Variants in TENM2 observed in about 807,000 individuals in gnomAD.
TENM2 encodes the protein teneurin transmembrane protein 2, also known as teneurin-2.
A neutral mutation model predicts 245.2 loss-of-function variants in TENM2; 52 were observed. That is an observed-to-expected ratio of 0.21 (90% CI 0.17 to 0.27). TENM2 has a LOEUF of 0.27. Among genes scored for constraint, TENM2 ranks in the 10% least tolerant of loss-of-function variants. The pLI is 1.00. For synonymous variants in TENM2, 1,363 were observed against 1,438.9 expected, an observed-to-expected ratio of 0.95 and a Z score of 1.19; for missense variants, 3,046 against 3,666.8, an observed-to-expected ratio of 0.83 and a Z score of 4.37.
At chr5:167,569,931 G>C (rs1549213) in intron 2 of TENM2, among the ~76,000 whole-genome samples, 90,507 of 151,934 alleles carry the variant, frequency 0.6, 27,792 homozygotes, top group Admixed American at 0.7. Flanking sequence ...TGATACATCC[G>C]AGAGCACTGT....
At chr5:168,259,385 C>G (rs1041813248) in intron 27 of TENM2, among the ~76,000 whole-genome samples, 1 of 151,874 alleles carries the variant, frequency 6.6e-6, no homozygotes, top group South Asian at 2.1e-4. Flanking sequence ...GTCGGGAGTT[C>G]GAAACCAGCC....
chr5:167,804,106 T>C (rs1040403638), intron 2 of TENM2, among the ~76,000 whole-genome samples: 1 of 152,102 alleles, frequency 6.6e-6, no homozygotes, highest in Admixed American at 6.6e-5. Context: ...ATTTTAAAAA[T>C]ATGAAATTCG....
intron 19 of TENM2, among the ~76,000 whole-genome samples, chr5:168,206,582 G>C (rs952094443): frequency 6.6e-6 from 1 of 152,210 alleles, no homozygotes; most frequent in Admixed American, 6.5e-5. Flanking sequence ...GAGCAAGAAG[G>C]ACACACGTGG....
intron 1 of TENM2, 75 bp downstream of exon 3, chr5:167,285,138 T>C (rs2127709555): frequency 8.4e-7 from 1 of 1,185,860 alleles, no homozygotes; most frequent in East Asian, 2.6e-5. Context: ...TGGCTGCTTT[T>C]GGAGATCCAG....
chr5:167,803,838 A>G (rs1216653875), intron 2 of TENM2, among the ~76,000 whole-genome samples: 1 of 152,120 alleles, frequency 6.6e-6, no homozygotes, highest in African/African-American at 2.4e-5. Flanking sequence ...TAGTTGTGCA[A>G]TAATCCCCTA....
chr5:167,487,754 T>G (rs1768166530), intron 2 of TENM2, among the ~76,000 whole-genome samples: 1 of 152,212 alleles, frequency 6.6e-6, no homozygotes, highest in African/African-American at 2.4e-5. Flanking sequence ...TCAGGATCAT[T>G]TCCTAGTATT....
intron 2 of TENM2, among the ~76,000 whole-genome samples, chr5:167,794,707 G>T (rs1483477988): frequency 6.6e-6 from 1 of 152,190 alleles, no homozygotes; most frequent in Admixed American, 6.5e-5. Flanking sequence ...CTGTGGAAAA[G>T]AAAAAGCTGC....
At chr5:167,392,657 A>G (rs1431451601) in intron 2 of TENM2, among the ~76,000 whole-genome samples, 1 of 152,168 alleles carries the variant, frequency 6.6e-6, no homozygotes, top group African/African-American at 2.4e-5. Context: ...ATGTGAGGCC[A>G]TATTTTATAA....
chr5:167,991,909 A>G (rs1354108186), intron 4 of TENM2, among the ~76,000 whole-genome samples: 1 of 152,194 alleles, frequency 6.6e-6, no homozygotes, highest in Non-Finnish European at 1.5e-5. Context: ...AAAGGCTAAT[A>G]TCTCCAATCT....
chr5:167,150,046 T>C, the TENM2 span, among the ~76,000 whole-genome samples: 11 of 152,084 alleles, frequency 7.2e-5, no homozygotes, highest in Non-Finnish European at 1.5e-4. Flanking sequence ...TAATGACTAT[T>C]ATAAAGTAAA....
the TENM2 span, among the ~76,000 whole-genome samples, chr5:167,226,975 A>G: frequency 6.6e-6 from 1 of 151,820 alleles, no homozygotes; most frequent in Non-Finnish European, 1.5e-5. Flanking sequence ...TATAATGTAA[A>G]TATATTACTG....
intron 2 of TENM2, among the ~76,000 whole-genome samples, chr5:167,580,603 G>T (rs1035598470): frequency 6.6e-6 from 1 of 152,240 alleles, no homozygotes; most frequent in Non-Finnish European, 1.5e-5. Context: ...TGCCAGAAAC[G>T]CTGTTACTGC....
chr5:167,467,237 T>C (rs1766724056), intron 2 of TENM2, among the ~76,000 whole-genome samples: 1 of 152,094 alleles, frequency 6.6e-6, no homozygotes, highest in Non-Finnish European at 1.5e-5. Context: ...CTGATGGTTT[T>C]ATAAGTGTTT....
At chr5:167,969,117 T>C (rs1177540275) in intron 4 of TENM2, among the ~76,000 whole-genome samples, 1 of 152,214 alleles carries the variant, frequency 6.6e-6, no homozygotes, top group Non-Finnish European at 1.5e-5. Context: ...CATCATGTTA[T>C]CTGAATTAAA....
At chr5:167,960,534 A>AC (rs536716603) in intron 4 of TENM2, among the ~76,000 whole-genome samples, 4,596 of 151,174 alleles carry the variant, frequency 0.03, 227 homozygotes, top group African/African-American at 0.11. Context: ...GTAATAGTGG[A>AC]CCCCCCCTCC....
At chr5:167,989,769 G>A (rs1783531655) in intron 4 of TENM2, among the ~76,000 whole-genome samples, 2 of 152,280 alleles carry the variant, frequency 1.3e-5, no homozygotes, top group South Asian at 2.1e-4. Flanking sequence ...GGGAAAAGGA[G>A]GAAGTTCCTT....
At chr5:167,583,473 TACACACACACAC>T (rs10682735) in intron 2 of TENM2, among the ~76,000 whole-genome samples, 4 of 137,460 alleles carry the variant, frequency 2.9e-5, no homozygotes, top group Admixed American at 7.4e-5. Flanking sequence ...TGAGTATATG[TACACACACACAC>T]ACACACACAC....
intron 2 of TENM2, among the ~76,000 whole-genome samples, chr5:167,636,893 C>T (rs1411006208): frequency 1.3e-5 from 2 of 152,194 alleles, no homozygotes; most frequent in Non-Finnish European, 2.9e-5. Context: ...GATTTTCTCT[C>T]ATGCTTTTAA....
At chr5:167,002,948 T>C in the TENM2 span, among the ~76,000 whole-genome samples, 1 of 152,092 alleles carries the variant, frequency 6.6e-6, no homozygotes, top group African/African-American at 2.4e-5. Flanking sequence ...GTACAATTAA[T>C]ATATTTAAAA....
Sources: gnomAD v4.1 joint callset for allele counts (sites outside exome capture counted in the v4.1 genomes callset) on GRCh38, gnomAD v4.1.1 for gene constraint, MANE v1.5 for transcripts, NCBI Gene and HGNC (gene_info 2026-07-23, HGNC 2026-07-21) for gene names.